The following GLRA3 variants were observed in gnomAD, a reference collection of about 807,000 sequenced individuals.
The protein encoded by GLRA3 is glycine receptor alpha 3.
In GLRA3, 44 loss-of-function variants were observed where a neutral mutation model predicts 60.4. The observed-to-expected ratio is 0.73, with a 90% CI of 0.57 to 0.94. The LOEUF is 0.94. Among genes scored for constraint, GLRA3 ranks in the 40% least tolerant of loss-of-function variants. The pLI is 0.00. For missense variants in GLRA3, 508 were observed against 564.6 expected (o/e 0.90, Z 1.02); for synonymous variants, 223 against 192.9 (o/e 1.16, Z -1.29).
At chr4:174,684,200 T>TA (rs891662196) in intron 5 of GLRA3, among the ~76,000 whole-genome samples, 58 of 138,576 alleles carry the variant, frequency 4.2e-4, no homozygotes, top group African/African-American at 1.4e-3. Flanking sequence ...TATTGTATTT[T>TA]AAAAAAAAGT....
At chr4:174,655,284 G>A (rs887029036) in intron 9 of GLRA3, among the ~76,000 whole-genome samples, 2 of 152,102 alleles carry the variant, frequency 1.3e-5, no homozygotes, top group Non-Finnish European at 2.9e-5. Flanking sequence ...CCAGAGCATT[G>A]TTAGTTTAGG....
At chr4:174,759,538 C>A (rs73006417) in intron 3 of GLRA3, among the ~76,000 whole-genome samples, 185 of 152,178 alleles carry the variant, frequency 1.2e-3, no homozygotes, top group African/African-American at 4.2e-3. Flanking sequence ...ATATTCAACT[C>A]AAGTTTATTT....
At chr4:174,794,608 A>G (rs1561123763) in intron 1 of GLRA3, among the ~76,000 whole-genome samples, 2 of 152,174 alleles carry the variant, frequency 1.3e-5, no homozygotes, top group Admixed American at 6.5e-5. Context: ...GAATAACTAA[A>G]TTTAAAAAGC....
chr4:174,775,023 C>A (rs1262172011), intron 2 of GLRA3, among the ~76,000 whole-genome samples: 1 of 152,026 alleles, frequency 6.6e-6, no homozygotes, highest in Non-Finnish European at 1.5e-5. Context: ...GAAATAATTA[C>A]TACAGAAATA....
At chr4:174,736,811 A>T (rs1391931835) in intron 3 of GLRA3, among the ~76,000 whole-genome samples, 1 of 152,216 alleles carries the variant, frequency 6.6e-6, no homozygotes, top group Non-Finnish European at 1.5e-5. Context: ...GTATATATGT[A>T]TTATACATAA....
chr4:174,651,433 C>T (rs1377838685), intron 9 of GLRA3, among the ~76,000 whole-genome samples: 4 of 151,978 alleles, frequency 2.6e-5, no homozygotes, highest in African/African-American at 4.8e-5. Context: ...TATAAACCAC[C>T]GGACAAAGCA....
chr4:174,733,640 A>G (rs1484448986), intron 3 of GLRA3, among the ~76,000 whole-genome samples: 1 of 152,170 alleles, frequency 6.6e-6, no homozygotes. Context: ...AATTATTCAA[A>G]CGAGGCAACC....
At chr4:174,647,831 T>G (rs1194206473) in intron 9 of GLRA3, among the ~76,000 whole-genome samples, 1 of 152,186 alleles carries the variant, frequency 6.6e-6, no homozygotes, top group Non-Finnish European at 1.5e-5. Context: ...AAACCTGGCA[T>G]GTGTTTTACA....
At chr4:174,654,696 T>C (rs999713434) in intron 9 of GLRA3, among the ~76,000 whole-genome samples, 1 of 152,112 alleles carries the variant, frequency 6.6e-6, no homozygotes, top group Non-Finnish European at 1.5e-5. Flanking sequence ...GGAAATACCT[T>C]GGCATGTCTT....
At chr4:174,791,112 G>T (rs1453885828) in intron 1 of GLRA3, among the ~76,000 whole-genome samples, 2 of 151,598 alleles carry the variant, frequency 1.3e-5, no homozygotes, top group Non-Finnish European at 2.9e-5. Context: ...AGTTCTATAT[G>T]CAACAACATG....
chr4:174,798,670 A>G (rs1447985893), intron 1 of GLRA3, among the ~76,000 whole-genome samples: 1 of 152,244 alleles, frequency 6.6e-6, no homozygotes, highest in African/African-American at 2.4e-5. Context: ...CATGCCTGTA[A>G]TCCCAGCACT....
At chr4:174,706,899 A>G (rs1735539905) in intron 5 of GLRA3, among the ~76,000 whole-genome samples, 1 of 152,214 alleles carries the variant, frequency 6.6e-6, no homozygotes, top group African/African-American at 2.4e-5. Flanking sequence ...AGTTAAGATT[A>G]TATCTGTGAA....
rs556606224 is a variant in GLRA3 at position 174,733,985 on chromosome 4, A to C, written c.268-5287T>G. Among the ~76,000 whole-genome samples, 12 of 152,230 alleles carry C rather than the reference A, an allele frequency of 7.9e-5. No homozygotes were observed. In the East Asian group the frequency reaches 2.3e-3, roughly 29 times the overall value. On this transcript the variant is annotated intron_variant, in intron 3 of 9. Coordinates refer to ENST00000274093, the MANE Select transcript of GLRA3 (RefSeq NM_006529.4). ...CTGATTTGCATACAATATTATTACC[A>C]GTTTTCGAAGACATCTCTAAAACAA...
At chr4:174,694,263 A>C (rs1300078028) in intron 5 of GLRA3, among the ~76,000 whole-genome samples, 1 of 152,170 alleles carries the variant, frequency 6.6e-6, no homozygotes, top group Admixed American at 6.5e-5. Context: ...AGCACTTTCC[A>C]CCCAAAACCA....
chr4:174,794,890 A>G (rs11934209), intron 1 of GLRA3, among the ~76,000 whole-genome samples: 38,587 of 151,948 alleles, frequency 0.25, 5,227 homozygotes, highest in Non-Finnish European at 0.29. Flanking sequence ...ATATATAAAA[A>G]TCCATTTAAT....
intron 3 of GLRA3, among the ~76,000 whole-genome samples, chr4:174,730,929 T>G (rs1223874688): frequency 6.6e-6 from 1 of 152,200 alleles, no homozygotes; most frequent in African/African-American, 2.4e-5. Flanking sequence ...TCTATTGTAC[T>G]GCATGGTAAG....
At chr4:174,763,067 T>C (rs1010774286) in intron 3 of GLRA3, among the ~76,000 whole-genome samples, 21 of 152,294 alleles carry the variant, frequency 1.4e-4, no homozygotes, top group Admixed American at 8.5e-4. Flanking sequence ...TCCATGTTGT[T>C]GCTATGTAAT....
intron 9 of GLRA3, among the ~76,000 whole-genome samples, chr4:174,647,892 C>T (rs936282783): frequency 1.3e-5 from 2 of 152,204 alleles, no homozygotes; most frequent in Admixed American, 1.3e-4. Flanking sequence ...TCAATAACCA[C>T]ATGAGGCTAG....
intron 7 of GLRA3, among the ~76,000 whole-genome samples, chr4:174,671,288 T>C (rs1269554167): frequency 2.0e-5 from 3 of 152,196 alleles, no homozygotes; most frequent in African/African-American, 7.2e-5. Context: ...TAATAACTAT[T>C]AATTGCTATA....
Sources: allele counts gnomAD v4.1 joint callset (sites outside exome capture counted in the v4.1 genomes callset), GRCh38; gene constraint gnomAD v4.1.1; transcripts MANE v1.5; gene names NCBI Gene and HGNC (gene_info 2026-07-23, HGNC 2026-07-21).